The following CFAP299 variants were observed in gnomAD, a reference collection of about 807,000 sequenced individuals.
The protein encoded by CFAP299 is cilia- and flagella-associated protein 299.
Under a neutral mutation model 27.0 loss-of-function variants are expected in CFAP299, and 21 were observed. The observed-to-expected ratio is 0.78, with a 90% CI of 0.55 to 1.12. The LOEUF (loss-of-function observed/expected upper bound fraction) is 1.12, where lower values mean the gene tolerates loss of function less well. Among genes scored for constraint, CFAP299 ranks in the 50% most tolerant of loss-of-function variants. CFAP299 has a pLI of 0.00. For missense variants in CFAP299, 310 were observed against 276.6 expected (o/e 1.12, Z -0.86); for synonymous variants, 104 against 98.1 (o/e 1.06, Z -0.36).
intron 3 of CFAP299, among the ~76,000 whole-genome samples, chr4:80,864,529 C>CGTATATGTAT (rs1553901370): frequency 2.1e-5 from 3 of 145,602 alleles, no homozygotes; most frequent in African/African-American, 7.5e-5. Flanking sequence ...CGTATATATA[C>CGTATATGTAT]ATATACGTAT....
At chr4:80,500,707 G>T (rs1845693) in intron 2 of CFAP299, among the ~76,000 whole-genome samples, 1 of 151,924 alleles carries the variant, frequency 6.6e-6, no homozygotes, top group Non-Finnish European at 1.5e-5. Context: ...TGTCTCACAC[G>T]TGCATCCTAC....
At chr4:80,346,953 C>T (rs190341881) in intron 1 of CFAP299, among the ~76,000 whole-genome samples, 716 of 152,184 alleles carry the variant, frequency 4.7e-3, no homozygotes, top group Middle Eastern at 0.014. Flanking sequence ...TTTTGTTGAG[C>T]AGTGGTTTGT....
At chr4:80,944,402 AT>A (rs1171268499) in intron 4 of CFAP299, among the ~76,000 whole-genome samples, 4 of 152,150 alleles carry the variant, frequency 2.6e-5, no homozygotes, top group Non-Finnish European at 4.4e-5. Context: ...AAAGAAGTGA[AT>A]TTATTTGGAA....
At chr4:80,962,061 G>A (rs961761565) in intron 5 of CFAP299, among the ~76,000 whole-genome samples, 1 of 151,934 alleles carries the variant, frequency 6.6e-6, no homozygotes. Flanking sequence ...TGCTACTGGG[G>A]ATTTACCTTT....
rs546653831 is a variant in CFAP299, at chr4:80,864,717, A to G, written c.334-5276A>G. Among the ~76,000 whole-genome samples, 197 of 151,888 alleles carry G rather than the reference A, an allele frequency of 1.3e-3. 2 individuals are homozygous for G. Among genetic ancestry groups the G allele is most frequent in the Middle Eastern group, 0.01 (3 of 294 alleles). ...TCTGATATGATTATTCCATTTCCAT[A>G]TCCCCTAAGGAATTTATAAAACTCT... On this transcript the variant is annotated intron_variant, in intron 3 of 5. Coordinates refer to ENST00000358105, the MANE Select transcript of CFAP299 (RefSeq NM_152770.3).
chr4:80,845,279 G>GTT (rs200523960), intron 3 of CFAP299, among the ~76,000 whole-genome samples: 12,868 of 134,512 alleles, frequency 0.096, 604 homozygotes, highest in African/African-American at 0.12. Flanking sequence ...GTCCCACACT[G>GTT]TTTTTTTTTT....
rs531292124 is a variant in CFAP299 at position 80,461,355 on chromosome 4, A to G, written c.242+98471A>G. 5.4e-4 allele frequency among the ~76,000 whole-genome samples: 82 copies of G among 152,318 alleles called. 1 individual carries two copies. The highest frequency in any genetic ancestry group is 1.8e-3 in the African/African-American group (76 of 41,580). ...CCATTTCAAAATATGTCAAAGAAATATATTTTGGGATAAAATACTTAGATT... is the reference window on the plus strand; with the variant it reads ...CCATTTCAAAATATGTCAAAGAAATGTATTTTGGGATAAAATACTTAGATT... On this transcript the variant is annotated intron_variant, in intron 2 of 5. Coordinates refer to ENST00000358105, the MANE Select transcript of CFAP299 (RefSeq NM_152770.3).
intron 2 of CFAP299, among the ~76,000 whole-genome samples, chr4:80,506,908 C>A (rs145418489): frequency 6.6e-6 from 1 of 152,050 alleles, no homozygotes; most frequent in Admixed American, 6.6e-5. Flanking sequence ...GCTGATCATG[C>A]GGTCCATGGT....
intron 3 of CFAP299, among the ~76,000 whole-genome samples, chr4:80,645,155 C>T (rs926484564): frequency 6.6e-6 from 1 of 152,074 alleles, no homozygotes; most frequent in African/African-American, 2.4e-5. Flanking sequence ...CCAGTATTTT[C>T]CAATGTTTAC....
At chr4:80,355,577 C>T (rs747632452) in intron 1 of CFAP299, among the ~76,000 whole-genome samples, 6 of 151,910 alleles carry the variant, frequency 3.9e-5, no homozygotes, top group Non-Finnish European at 8.8e-5. Context: ...AGGCTGGTCT[C>T]GAACTTCTGA....
chr4:80,845,723 T>C (rs1454256226), intron 3 of CFAP299, among the ~76,000 whole-genome samples: 1 of 152,198 alleles, frequency 6.6e-6, no homozygotes, highest in Non-Finnish European at 1.5e-5. Flanking sequence ...CTCAACTTTA[T>C]TGTTTTCACA....
intron 3 of CFAP299, among the ~76,000 whole-genome samples, chr4:80,685,144 A>G (rs763923078): frequency 1.3e-5 from 2 of 152,126 alleles, no homozygotes; most frequent in Admixed American, 6.6e-5. Context: ...TCCTTTAACA[A>G]TTTTCAGACA....
At chr4:80,442,850 G>C (rs1300060493) in intron 2 of CFAP299, among the ~76,000 whole-genome samples, 1 of 152,076 alleles carries the variant, frequency 6.6e-6, no homozygotes, top group Non-Finnish European at 1.5e-5. Context: ...AAAAGATAAA[G>C]GGGAGATCAC....
intron 3 of CFAP299, among the ~76,000 whole-genome samples, chr4:80,856,348 T>G (rs1348249980): frequency 6.7e-6 from 1 of 149,722 alleles, no homozygotes; most frequent in Non-Finnish European, 1.5e-5. Flanking sequence ...TCCCATTTTG[T>G]GGGTTGCCTG....
rs915803999 is a variant in CFAP299, at chr4:80,390,184, T to G, written c.242+27300T>G. ...ATTTCAAGTATACAATATGGTGTTATTAACTATAGTTGCTATTCCGTACAT... is the reference window on the plus strand; with the variant it reads ...ATTTCAAGTATACAATATGGTGTTAGTAACTATAGTTGCTATTCCGTACAT... On this transcript the variant is annotated intron_variant, in intron 2 of 5. Transcript: ENST00000358105. Among the ~76,000 whole-genome samples, 5 of 152,182 alleles carry G rather than the reference T, an allele frequency of 3.3e-5. No individual in the cohort carries two copies. The East Asian group carries it at 9.6e-4, about 29-fold the overall frequency.
chr4:80,552,443 G>A (rs1406579653), intron 2 of CFAP299, among the ~76,000 whole-genome samples: 1 of 152,122 alleles, frequency 6.6e-6, no homozygotes. Flanking sequence ...AGCCAGCCAG[G>A]TGAAATTCTC....
At chr4:80,833,494 G>A (rs994526280) in intron 3 of CFAP299, among the ~76,000 whole-genome samples, 17 of 151,956 alleles carry the variant, frequency 1.1e-4, no homozygotes, top group African/African-American at 4.1e-4. Context: ...TACTTTTAAA[G>A]GAAATGAGGA....
At chr4:80,869,072 C>T (rs139865881) in intron 3 of CFAP299, among the ~76,000 whole-genome samples, 1,867 of 151,978 alleles carry the variant, frequency 0.012, 18 homozygotes, top group Non-Finnish European at 0.019. Flanking sequence ...TTTAAGGAGG[C>T]GCAGCCTTGC....
intron 3 of CFAP299, among the ~76,000 whole-genome samples, chr4:80,738,551 C>T (rs913960674): frequency 6.6e-6 from 1 of 151,882 alleles, no homozygotes; most frequent in Non-Finnish European, 1.5e-5. Flanking sequence ...GATAGCTGCT[C>T]CTGCTCTTTT....
Sources: allele counts gnomAD v4.1 joint callset (sites outside exome capture counted in the v4.1 genomes callset), GRCh38; gene constraint gnomAD v4.1.1; transcripts MANE v1.5; gene names NCBI Gene and HGNC (gene_info 2026-07-23, HGNC 2026-07-21).